The following NT5C1B variants were observed in gnomAD, a reference collection of about 807,000 sequenced individuals.
NT5C1B encodes cytosolic 5'-nucleotidase 1B.
Under a neutral mutation model 57.8 loss-of-function variants are expected in NT5C1B, and 44 were observed. The ratio of observed to expected loss-of-function variants is 0.76; its 90% CI spans 0.60 to 0.98. NT5C1B has a LOEUF of 0.98. NT5C1B is among the 50% of genes least tolerant of loss of function. The pLI is 0.00. For synonymous variants in NT5C1B, 284 were observed against 282.6 expected (o/e 1.00, Z -0.05); for missense variants, 742 against 719.5 (o/e 1.03, Z -0.36).
intron 6 of NT5C1B, among the ~76,000 whole-genome samples, chr2:18,578,835 A>G (rs1308238619): frequency 6.6e-6 from 1 of 152,190 alleles, no homozygotes; most frequent in Non-Finnish European, 1.5e-5. Context: ...ATTAAAATAG[A>G]AAGAGAGGAA....
At chr2:18,579,740 T>C (rs919303115) in intron 6 of NT5C1B, among the ~76,000 whole-genome samples, 1 of 152,048 alleles carries the variant, frequency 6.6e-6, no homozygotes, top group Non-Finnish European at 1.5e-5. Flanking sequence ...GATTTCATGA[T>C]GAAGACACCA....
chr2:18,584,734 C>G lies in NT5C1B; in HGVS notation c.503G>C (p.Arg168Pro), dbSNP rs150624428. 182 of 1,613,228 alleles carry G rather than the reference C, an allele frequency of 1.1e-4. No individual in the cohort carries two copies. The highest frequency in any genetic ancestry group is 1.5e-4 in the Admixed American group (9 of 59,976). Residue 168 changes from arginine to proline, a missense_variant, in exon 4 of 9, where the codon CGG becomes CCG. Transcript: ENST00000304081. This position sits in a 1 kb window ranked among gnomAD's most constrained non-coding sequence, Gnocchi z 5.8. Reference sequence around the variant, plus strand: ...CGAATATTCCAGCGGCTGCGAGTCCCGGGTCTGGCGGATTTCCCGCACGAT... The same window carrying G: ...CGAATATTCCAGCGGCTGCGAGTCCGGGGTCTGGCGGATTTCCCGCACGAT...
chr2:18,581,123 CA>C (rs1243099805), intron 6 of NT5C1B, among the ~76,000 whole-genome samples: 1 of 151,914 alleles, frequency 6.6e-6, no homozygotes, highest in Non-Finnish European at 1.5e-5. Context: ...GTAACAATTA[CA>C]AAAAAACACT....
chr2:18,569,176 T>C (rs1664925443), intron 8 of NT5C1B, among the ~76,000 whole-genome samples: 1 of 152,180 alleles, frequency 6.6e-6, no homozygotes, highest in African/African-American at 2.4e-5. Flanking sequence ...ACATTGACAA[T>C]AGACTGTGAT....
chr2:18,582,988 AC>A lies in NT5C1B; in HGVS notation c.900del (p.Gln300HisfsTer22). On this transcript the variant is annotated frameshift_variant, in exon 6 of 9. Coordinates refer to ENST00000304081, the Ensembl canonical transcript of NT5C1B. LOFTEE classifies it high-confidence loss of function. Reference sequence around the variant, plus strand: ...AGATCACGGAGTCTAGCATTGACATACTGTAGTGCCTGCAGGTTACAAACAT... The same window carrying A: ...AGATCACGGAGTCTAGCATTGACATATGTAGTGCCTGCAGGTTACAAACAT... 1 of 1,613,382 alleles carries A rather than the reference AC, an allele frequency of 6.2e-7. No homozygotes were observed. The highest frequency in any genetic ancestry group is 1.3e-5 in the African/African-American group (1 of 75,002).
At chr2:18,586,178 A>T (rs1666689444) in intron 3 of NT5C1B, 76 bp downstream of exon 3, 1 of 1,565,384 alleles carries the variant, frequency 6.4e-7, no homozygotes, top group African/African-American at 1.4e-5. Flanking sequence ...AGGGCCTGGC[A>T]CGTAGAAAGC....
At chr2:18,577,422 C>CAAAAACA (rs1665791242) in intron 6 of NT5C1B, among the ~76,000 whole-genome samples, 1 of 39,856 alleles carries the variant, frequency 2.5e-5, no homozygotes, top group African/African-American at 9.5e-5. Flanking sequence ...GACTCTGTCT[C>CAAAAACA]AAAAAAAAAA....
intron 6 of NT5C1B, 148 bp from the exon 7 acceptor site, chr2:18,577,043 A>G: frequency 7.3e-7 from 1 of 1,367,758 alleles, no homozygotes; most frequent in Admixed American, 2.7e-5. Flanking sequence ...TACCTTAGAA[A>G]TAAACTTTAA....
intron 8 of NT5C1B, among the ~76,000 whole-genome samples, chr2:18,575,268 A>G (rs1410909795): frequency 1.3e-5 from 2 of 152,062 alleles, no homozygotes; most frequent in Admixed American, 6.6e-5. Flanking sequence ...ACACTAGGTC[A>G]GGGTTTCCAA....
At chr2:18,566,454 A>G (rs1025494193) in intron 8 of NT5C1B, among the ~76,000 whole-genome samples, 1 of 152,208 alleles carries the variant, frequency 6.6e-6, no homozygotes, top group Non-Finnish European at 1.5e-5. Flanking sequence ...GTAAGAGGCC[A>G]TACATATAGG....
intron 1 of NT5C1B, 82 bp downstream of exon 1, chr2:18,589,357 G>C: frequency 6.3e-7 from 1 of 1,577,196 alleles, no homozygotes; most frequent in Non-Finnish European, 8.7e-7. Flanking sequence ...TCATTGCAGA[G>C]CCTTTGCAGA....
intron 3 of NT5C1B, 143 bp downstream of exon 3, chr2:18,586,111 G>T: frequency 7.8e-7 from 1 of 1,289,778 alleles, no homozygotes; most frequent in Non-Finnish European, 1.0e-6. Context: ...GGGATTTACG[G>T]GCAGAAGGGA....
At chr2:18,587,447 T>A in intron 2 of NT5C1B, 56 bp downstream of exon 2, 1 of 1,598,176 alleles carries the variant, frequency 6.3e-7, no homozygotes, top group South Asian at 1.1e-5. Flanking sequence ...CCTAACATTT[T>A]CCATTATGCT....
intron 6 of NT5C1B, among the ~76,000 whole-genome samples, chr2:18,581,978 C>T (rs920775478): frequency 2.6e-5 from 4 of 152,138 alleles, no homozygotes; most frequent in Non-Finnish European, 4.4e-5. Flanking sequence ...GATAGGTCAG[C>T]GTGGTGAGGG....
intron 8 of NT5C1B, among the ~76,000 whole-genome samples, chr2:18,572,470 C>G (rs1665293202): frequency 6.6e-6 from 1 of 152,144 alleles, no homozygotes; most frequent in South Asian, 2.1e-4. Context: ...TTATAAGTTT[C>G]TGCTCACTGA....
chr2:18,578,772 C>A (rs570892455), intron 6 of NT5C1B, among the ~76,000 whole-genome samples: 1 of 152,244 alleles, frequency 6.6e-6, no homozygotes, highest in Admixed American at 6.5e-5. Flanking sequence ...TTGTATTCAA[C>A]ATAGTCCTTG....
At position 18,587,427 on chromosome 2, in the gene NT5C1B, C is replaced by T. The variant is rs1349171687; in HGVS notation, c.120+76G>A. ...AACAGCTTGGTCTTCTCTCCCAGAA[C>T]TCCCTGCCCCCTAACATTTTCCATT... On this transcript the variant is annotated intron_variant, in intron 2 of 8. Transcript: ENST00000304081. 19 of 1,580,682 alleles carry T rather than the reference C, an allele frequency of 1.2e-5. No individual in the cohort carries two copies. The East Asian group carries it at 3.6e-4, about 30-fold the overall frequency.
intron 8 of NT5C1B, among the ~76,000 whole-genome samples, chr2:18,569,740 A>G (rs1558369875): frequency 6.6e-6 from 1 of 152,140 alleles, no homozygotes; most frequent in Non-Finnish European, 1.5e-5. Flanking sequence ...GGATAAATAG[A>G]TAAATTCTCA....
chr2:18,582,838 G>C, intron 6 of NT5C1B, 30 bp downstream of exon 6: 4 of 1,605,638 alleles, frequency 2.5e-6, no homozygotes, highest in Non-Finnish European at 3.4e-6. Flanking sequence ...GCGGAGAGCT[G>C]GTCTTCCACA....
Sources: gnomAD v4.1 joint callset for allele counts (sites outside exome capture counted in the v4.1 genomes callset) on GRCh38, gnomAD v4.1.1 for gene constraint, Gnocchi (gnomAD v3.1) non-coding constraint, MANE v1.5 for transcripts, NCBI Gene and HGNC (gene_info 2026-07-23, HGNC 2026-07-21) for gene names.